STK32B: variants seen among roughly 807,000 people sequenced by gnomAD.
STK32B encodes serine/threonine kinase 32B.
Under a neutral mutation model 52.6 loss-of-function variants are expected in STK32B, and 43 were observed. The observed-to-expected ratio is 0.82, with a 90% CI of 0.64 to 1.05. The LOEUF is 1.05. Ranked by LOEUF, STK32B falls within the 50% of genes least tolerant of loss-of-function variation. The pLI is 0.00. For missense variants in STK32B, 621 were observed against 534.6 expected (o/e 1.16, Z -1.59); for synonymous variants, 238 against 204.3 (o/e 1.17, Z -1.41).
At chr4:5,451,105 T>A (rs1036904793) in intron 7 of STK32B, among the ~76,000 whole-genome samples, 5 of 152,180 alleles carry the variant, frequency 3.3e-5, no homozygotes, top group African/African-American at 1.2e-4. Flanking sequence ...AATCAGGGCA[T>A]AGGCGGTGTC....
At chr4:5,348,294 A>T (rs1733599881) in intron 4 of STK32B, among the ~76,000 whole-genome samples, 1 of 152,148 alleles carries the variant, frequency 6.6e-6, no homozygotes, top group East Asian at 1.9e-4. Flanking sequence ...TGCTCCAGAG[A>T]GGGAGTCCAT....
intron 11 of STK32B, among the ~76,000 whole-genome samples, chr4:5,493,673 G>C (rs1719944331): frequency 6.6e-6 from 1 of 152,074 alleles, no homozygotes. Context: ...GTGATGTCAG[G>C]GTGTCAATTT....
At chr4:5,090,621 C>T (rs1713025987) in intron 1 of STK32B, among the ~76,000 whole-genome samples, 1 of 152,068 alleles carries the variant, frequency 6.6e-6, no homozygotes. Context: ...CCTTGGCCTC[C>T]CAAAGTGCTG....
intron 4 of STK32B, among the ~76,000 whole-genome samples, chr4:5,352,394 T>A (rs1001539352): frequency 6.6e-6 from 1 of 151,988 alleles, no homozygotes; most frequent in Non-Finnish European, 1.5e-5. Flanking sequence ...AAATTCAATA[T>A]CCTTTCATGA....
chr4:5,077,770 G>C (rs1316143235), intron 1 of STK32B, among the ~76,000 whole-genome samples: 3 of 152,102 alleles, frequency 2.0e-5, no homozygotes, highest in Non-Finnish European at 2.9e-5. Flanking sequence ...GGGAGTCTTA[G>C]AGCCCTGGAG....
At position 5,386,127 on chromosome 4, in the gene STK32B, C is replaced by T. The variant is rs752958992; in HGVS notation, c.435-12080C>T. 2.0e-5 allele frequency among the ~76,000 whole-genome samples: 3 copies of T among 151,342 alleles called. No individual in the cohort carries two copies. Among genetic ancestry groups the T allele is most frequent in the Non-Finnish European group, 4.4e-5 (3 of 67,894 alleles). ...CACAGGCCCCACCCACAGCTCTTGGCCCACAGTTCCTGGCCTTTGTACTCC... is the reference window on the plus strand; with the variant it reads ...CACAGGCCCCACCCACAGCTCTTGGTCCACAGTTCCTGGCCTTTGTACTCC... On this transcript the variant is annotated intron_variant, in intron 4 of 11. Transcript: ENST00000282908. This position sits in a 1 kb window ranked among gnomAD's most constrained non-coding sequence, Gnocchi z 4.5.
intron 6 of STK32B, among the ~76,000 whole-genome samples, chr4:5,443,885 T>TG (rs1715052261): frequency 2.0e-5 from 3 of 152,182 alleles, no homozygotes; most frequent in South Asian, 2.1e-4. Flanking sequence ...GTGCCCCTGC[T>TG]GGGGGGTGCC....
chr4:5,297,637 T>G (rs1415466654), intron 3 of STK32B, among the ~76,000 whole-genome samples: 5 of 85,850 alleles, frequency 5.8e-5, no homozygotes, highest in Admixed American at 1.9e-4. Context: ...TCATTTATGT[T>G]TTTTTTTTTT....
chr4:5,173,479 G>A (rs931080919), intron 3 of STK32B, among the ~76,000 whole-genome samples: 1 of 152,040 alleles, frequency 6.6e-6, no homozygotes, highest in African/African-American at 2.4e-5. Context: ...CTTTGAATGT[G>A]TCCCAGAGAT....
intron 3 of STK32B, among the ~76,000 whole-genome samples, chr4:5,175,950 C>A (rs1190530353): frequency 6.6e-6 from 1 of 152,256 alleles, no homozygotes; most frequent in Non-Finnish European, 1.5e-5. Flanking sequence ...TGGGCTCCAC[C>A]CACTCGAGCT....
intron 4 of STK32B, among the ~76,000 whole-genome samples, chr4:5,372,410 T>G (rs969754882): frequency 1.3e-5 from 2 of 152,136 alleles, no homozygotes; most frequent in Admixed American, 1.3e-4. Context: ...TGTCATTCTT[T>G]TTGCAGGAGC....
intron 2 of STK32B, among the ~76,000 whole-genome samples, chr4:5,150,225 T>C (rs1717235638): frequency 6.6e-6 from 1 of 152,126 alleles, no homozygotes; most frequent in Non-Finnish European, 1.5e-5. Context: ...AAAATAGTTT[T>C]TCTTGCTTTG....
intron 1 of STK32B, among the ~76,000 whole-genome samples, chr4:5,127,652 C>CAGACACATA (rs980007390): frequency 1.3e-5 from 2 of 152,122 alleles, no homozygotes; most frequent in Admixed American, 1.3e-4. Flanking sequence ...AAAACAGAGA[C>CAGACACATA]AGACACATAA....
chr4:5,047,832 T>C (rs1169962850), upstream of STK32B, among the ~76,000 whole-genome samples: 1 of 152,224 alleles, frequency 6.6e-6, no homozygotes, highest in Non-Finnish European at 1.5e-5. Flanking sequence ...GAACTGTATG[T>C]GTGATCTTAT....
At chr4:5,412,658 C>T (rs1194457889) in intron 5 of STK32B, among the ~76,000 whole-genome samples, 2 of 152,150 alleles carry the variant, frequency 1.3e-5, no homozygotes, top group Non-Finnish European at 2.9e-5. Flanking sequence ...GGTTATTATT[C>T]TGTAAAGACA....
chr4:5,199,879 A>C (rs1721995110), intron 3 of STK32B, among the ~76,000 whole-genome samples: 1 of 152,136 alleles, frequency 6.6e-6, no homozygotes, highest in Admixed American at 6.6e-5. Context: ...GATTGAGGGA[A>C]ATACTGCTTT....
intron 1 of STK32B, among the ~76,000 whole-genome samples, chr4:5,075,392 A>G (rs759451595): frequency 1.3e-5 from 2 of 152,162 alleles, no homozygotes; most frequent in African/African-American, 2.4e-5. Flanking sequence ...TTCCTTGACA[A>G]TGTCACTTTT....
chr4:5,499,321 T>A lies in STK32B; in HGVS notation c.*238T>A. ...CGTTTTCTGCATCTGCCAAAGGGGTTAAACACTTCTGCCCCACTTCAAATT... is the reference window on the plus strand; with the variant it reads ...CGTTTTCTGCATCTGCCAAAGGGGTAAAACACTTCTGCCCCACTTCAAATT... On this transcript the variant is annotated 3_prime_UTR_variant, in exon 12 of 12. Transcript: ENST00000282908. 1 of 433,980 alleles carries A rather than the reference T, an allele frequency of 2.3e-6. No individual in the cohort carries two copies. The highest frequency in any genetic ancestry group is 3.9e-6 in the Non-Finnish European group (1 of 253,490). The allele number at this position is 433,980 out of a possible 1,614,324, so 26.9% of individuals were successfully genotyped here.
At chr4:5,259,737 T>C (rs970076106) in intron 3 of STK32B, among the ~76,000 whole-genome samples, 1 of 152,176 alleles carries the variant, frequency 6.6e-6, no homozygotes, top group African/African-American at 2.4e-5. Flanking sequence ...ATGAGAGCTC[T>C]GAGGCCCAAC....
Sources: allele counts gnomAD v4.1 joint callset (sites outside exome capture counted in the v4.1 genomes callset), GRCh38; gene constraint gnomAD v4.1.1; non-coding constraint Gnocchi (gnomAD v3.1); transcripts MANE v1.5; gene names NCBI Gene and HGNC (gene_info 2026-07-23, HGNC 2026-07-21).